The following MYO1E variants were observed in gnomAD, a reference collection of about 807,000 sequenced individuals.
The protein encoded by MYO1E is myosin IE.
A neutral mutation model predicts 151.1 loss-of-function variants in MYO1E; 68 were observed. That is an observed-to-expected ratio of 0.45 (90% CI 0.37 to 0.55). The LOEUF is 0.55. Ranked by LOEUF, MYO1E falls within the 20% of genes least tolerant of loss-of-function variation. MYO1E has a pLI of 0.00. For missense variants in MYO1E, 1,363 were observed against 1,389.3 expected, an observed-to-expected ratio of 0.98 and a Z score of 0.30; for synonymous variants, 601 against 501.7, an observed-to-expected ratio of 1.20 and a Z score of -2.64.
At chr15:59,184,896 A>G (rs1223631271) in intron 18 of MYO1E, among the ~76,000 whole-genome samples, 2 of 152,160 alleles carry the variant, frequency 1.3e-5, no homozygotes, top group Non-Finnish European at 2.9e-5. Flanking sequence ...ACTAATTTAC[A>G]TTCCCACCAA....
At chr15:59,336,918 T>G (rs11857648) in intron 1 of MYO1E, among the ~76,000 whole-genome samples, 74,668 of 151,990 alleles carry the variant, frequency 0.49, 23,102 homozygotes, top group Non-Finnish European at 0.69. Flanking sequence ...GCAAAGGACA[T>G]GAACTCATCC....
At position 59,247,774 on chromosome 15, in the gene MYO1E, C is replaced by G. The variant is rs1207788149; in HGVS notation, c.332+8510G>C. On this transcript the variant is annotated intron_variant, in intron 4 of 27. Coordinates refer to ENST00000288235, the MANE Select transcript of MYO1E (RefSeq NM_004998.4). The stretch of plus-strand genomic sequence containing the variant: ...TGGAGCCTACATATCTGTAGAGCCA[C>G]TGAACTAGTAAGGCAATTCAGGAAT... Among the ~76,000 whole-genome samples the G allele has an allele frequency of 3.3e-5, 5 of 152,306 alleles. No homozygotes were observed. The East Asian group carries it at 9.6e-4, about 29-fold the overall frequency.
rs1424948356 is a variant in MYO1E, at chr15:59,132,561, A to C, written c.*4819T>G. The stretch of plus-strand genomic sequence containing the variant: ...GATGGCACAGCAGGCACCCCAAACT[A>C]AAATGTCATAAATGGGAAATGAGTG... On this transcript the variant is annotated 3_prime_UTR_variant, in exon 28 of 28. Coordinates refer to ENST00000288235, the MANE Select transcript of MYO1E (RefSeq NM_004998.4). The C allele has an allele frequency of 6.6e-6, 1 of 152,238 alleles. No homozygotes were observed. Among genetic ancestry groups the C allele is most frequent in the Non-Finnish European group, 1.5e-5 (1 of 68,038 alleles). The allele number at this position is 152,238 out of a possible 1,614,324, so 9.4% of individuals were successfully genotyped here. A position where few individuals can be genotyped will look rare whatever the true frequency, so the allele number is the denominator to read the frequency against.
chr15:59,258,525 T>C (rs1680491280), intron 3 of MYO1E, among the ~76,000 whole-genome samples: 1 of 152,190 alleles, frequency 6.6e-6, no homozygotes, highest in Non-Finnish European at 1.5e-5. Flanking sequence ...AGTTTGTTTA[T>C]ACATCTGGTT....
At chr15:59,207,431 C>A in intron 14 of MYO1E, 1 of 1,614,024 alleles carries the variant, frequency 6.2e-7, no homozygotes, top group African/African-American at 1.3e-5. Flanking sequence ...CGAAATGTGG[C>A]CATCTTCAAG....
At chr15:59,313,749 C>A (rs139599824) in intron 1 of MYO1E, among the ~76,000 whole-genome samples, 1 of 151,914 alleles carries the variant, frequency 6.6e-6, no homozygotes, top group African/African-American at 2.4e-5. Flanking sequence ...AATGCATTCA[C>A]GAAGAGAAAA....
chr15:59,331,349 A>C (rs1452599585), intron 1 of MYO1E, among the ~76,000 whole-genome samples: 1 of 152,094 alleles, frequency 6.6e-6, no homozygotes, highest in Admixed American at 6.5e-5. Context: ...TCCTTTTCCA[A>C]CCCCCATCTA....
chr15:59,294,570 G>A (rs73426907), intron 1 of MYO1E, among the ~76,000 whole-genome samples: 6,619 of 152,136 alleles, frequency 0.044, 421 homozygotes, highest in African/African-American at 0.14. Flanking sequence ...TTGCCCTCCC[G>A]CTTTCAATTG....
intron 2 of MYO1E, among the ~76,000 whole-genome samples, chr15:59,269,157 C>T (rs930121744): frequency 2.2e-4 from 33 of 151,996 alleles, no homozygotes; most frequent in African/African-American, 7.0e-4. Flanking sequence ...GAAAATAACT[C>T]GGAAATATGG....
In MYO1E at chr15:59,137,396, T is replaced by A; in HGVS notation, c.3311A>T (p.Tyr1104Phe). ...ACGGGCACCTCAGATCTTGGTCACA[T>A]AGTTGTTGGGGAACAGGCCCTGCTT... ...RGKQGLFPNNYVTKI is the reference protein window; with the variant it reads ...RGKQGLFPNNFVTKI The change falls in exon 28 of 28, where the codon TAT becomes TTT. Residue 1104 changes from tyrosine (Y) to phenylalanine (F), a missense_variant. Coordinates refer to ENST00000288235, the MANE Select transcript of MYO1E (RefSeq NM_004998.4). The A allele has an allele frequency of 3.1e-6, 5 of 1,614,134 alleles. No individual in the cohort carries two copies. Among genetic ancestry groups the A allele is most frequent in the Non-Finnish European group, 4.2e-6 (5 of 1,179,996 alleles).
chr15:59,292,155 G>A (rs1567005310), intron 1 of MYO1E, among the ~76,000 whole-genome samples: 1 of 152,120 alleles, frequency 6.6e-6, no homozygotes, highest in Non-Finnish European at 1.5e-5. Context: ...ATAAAGGCAA[G>A]GGGTGATTTT....
chr15:59,209,815 C>CTTTTTTTTTTTTTTTTT lies in MYO1E; in HGVS notation c.1362+682_1362+698dup, dbSNP rs71119441. The stretch of plus-strand genomic sequence containing the variant: ...CTGTATCACTTTTATTTTGAATCAC[C>CTTTTTTTTTTTTTTTTT]TTTTTTTTTTTTTTTTTTTTTTTTT... On this transcript the variant is annotated intron_variant, in intron 13 of 27. Coordinates refer to ENST00000288235, the MANE Select transcript of MYO1E (RefSeq NM_004998.4). 1.3e-3 allele frequency among the ~76,000 whole-genome samples: 67 copies of CTTTTTTTTTTTTTTTTT among 49,872 alleles called. 10 individuals are homozygous for CTTTTTTTTTTTTTTTTT. Among genetic ancestry groups the CTTTTTTTTTTTTTTTTT allele is most frequent in the Admixed American group, 2.8e-3 (10 of 3,568 alleles). The allele number at this position is 49,872 out of a possible 152,430, so 32.7% of individuals were successfully genotyped here.
intron 3 of MYO1E, 66 bp from the exon 4 acceptor site, chr15:59,256,444 G>T: frequency 1.1e-6 from 1 of 930,800 alleles, no homozygotes. Flanking sequence ...ACAAAATCAT[G>T]GTCAGATAGG....
At chr15:59,211,716 T>C (rs1234359069) in intron 12 of MYO1E, among the ~76,000 whole-genome samples, 1 of 152,186 alleles carries the variant, frequency 6.6e-6, no homozygotes. Flanking sequence ...GGCCCTGTTA[T>C]CCAGGGTATA....
rs553270668 is a variant in MYO1E, at chr15:59,269,437, G to A, written c.147+2869C>T. 3.9e-5 allele frequency among the ~76,000 whole-genome samples: 6 copies of A among 152,318 alleles called. No individual in the cohort carries two copies. In the South Asian group the frequency reaches 1.2e-3, roughly 32 times the overall value. On this transcript the variant is annotated intron_variant, in intron 2 of 27. Transcript: ENST00000288235. The stretch of plus-strand genomic sequence containing the variant: ...AACTGCCAGTTTTCATGTGCTGTGG[G>A]TGCTGCACGTAAAAGTGATTAACAT...
chr15:59,355,373 T>C (rs2080847266), intron 1 of MYO1E, among the ~76,000 whole-genome samples: 1 of 152,156 alleles, frequency 6.6e-6, no homozygotes, highest in African/African-American at 2.4e-5. Context: ...GGTGGTGATC[T>C]ACATATCTTT....
At chr15:59,201,891 T>C (rs1197080221) in intron 16 of MYO1E, among the ~76,000 whole-genome samples, 1 of 152,204 alleles carries the variant, frequency 6.6e-6, no homozygotes. Context: ...TGAGGAGGGA[T>C]GCATAAATTG....
In MYO1E at chr15:59,325,917, A is replaced by T. The variant is rs1285320801; in HGVS notation, c.3+46581T>A. Among the ~76,000 whole-genome samples the T allele has an allele frequency of 5.3e-5, 8 of 152,290 alleles. No individual in the cohort carries two copies. In the South Asian group the frequency reaches 1.4e-3, roughly 28 times the overall value. ...TCCAGCTCTAACCCCCATGGCCTAT[A>T]ATCAGGGCTGTCCAGTGAATCAGAA... On this transcript the variant is annotated intron_variant, in intron 1 of 27. Coordinates refer to ENST00000288235, the MANE Select transcript of MYO1E (RefSeq NM_004998.4).
At chr15:59,213,548 T>C (rs1310574268) in intron 12 of MYO1E, among the ~76,000 whole-genome samples, 8 of 152,054 alleles carry the variant, frequency 5.3e-5, no homozygotes, top group African/African-American at 1.9e-4. Flanking sequence ...AGCCTCGACC[T>C]CCTGGGCTCA....
Sources: allele counts gnomAD v4.1 joint callset (sites outside exome capture counted in the v4.1 genomes callset), GRCh38; gene constraint gnomAD v4.1.1; transcripts MANE v1.5; gene names NCBI Gene and HGNC (gene_info 2026-07-23, HGNC 2026-07-21).